ASTN1: variants seen among roughly 807,000 people sequenced by gnomAD.
ASTN1 encodes astrotactin 1.
In ASTN1, 41 loss-of-function variants were observed where a neutral mutation model predicts 140.7. The observed-to-expected ratio is 0.29, with a 90% CI of 0.23 to 0.38. The LOEUF (loss-of-function observed/expected upper bound fraction) is 0.38. Ranked by LOEUF, ASTN1 falls within the 10% of genes least tolerant of loss-of-function variation. The pLI is 1.00. For synonymous variants in ASTN1, 640 were observed against 652.2 expected (o/e 0.98, Z 0.29); for missense variants, 1,479 against 1,678.8 (o/e 0.88, Z 2.08).
chr1:177,088,348 C>G (rs1024153081), intron 1 of ASTN1, among the ~76,000 whole-genome samples: 1 of 152,256 alleles, frequency 6.6e-6, no homozygotes, highest in Non-Finnish European at 1.5e-5. Flanking sequence ...GCCAAGCTCT[C>G]TTGGTGCTCT....
At chr1:177,032,344 C>A in intron 3 of ASTN1, 112 bp downstream of exon 3, 1 of 1,406,564 alleles carries the variant, frequency 7.1e-7, no homozygotes, top group South Asian at 1.3e-5. Context: ...AAGGGCACTG[C>A]CACATCACAC....
At chr1:176,989,386 T>G (rs1674053624) in intron 8 of ASTN1, among the ~76,000 whole-genome samples, 1 of 152,254 alleles carries the variant, frequency 6.6e-6, no homozygotes, top group Admixed American at 6.5e-5. Flanking sequence ...ATATTTTTTC[T>G]TCTTTTCAGT....
In ASTN1 at chr1:176,861,192, G is replaced by A. The variant is rs1382554715; in HGVS notation, c.*3092C>T. 3 of 965,936 alleles carry A rather than the reference G, an allele frequency of 3.1e-6. No homozygotes were observed. The Admixed American group carries it at 1.8e-4, about 60-fold the overall frequency. The allele number at this position is 965,936 out of a possible 1,614,324, so 59.8% of individuals were successfully genotyped here. On this transcript the variant is annotated 3_prime_UTR_variant, in exon 23 of 23. Coordinates refer to ENST00000361833, the MANE Select transcript of ASTN1 (RefSeq NM_004319.3). Reference sequence around the variant, plus strand: ...TCATATTATATTCTTTCTTCCTTCTGCAGTAGTAAAGTGTTTTTCTTCATA... The same window carrying A: ...TCATATTATATTCTTTCTTCCTTCTACAGTAGTAAAGTGTTTTTCTTCATA...
In ASTN1 at chr1:176,879,083, C is replaced by T. The variant is rs575507081; in HGVS notation, c.3363-2446G>A. On this transcript the variant is annotated intron_variant, in intron 20 of 22. Coordinates refer to ENST00000361833, the MANE Select transcript of ASTN1 (RefSeq NM_004319.3). ...ATAGGAAGTCCTGTTCTCTCCCAGGCTGATGCTCTCAGGCCAGCATGGTCA... is the reference window on the plus strand; with the variant it reads ...ATAGGAAGTCCTGTTCTCTCCCAGGTTGATGCTCTCAGGCCAGCATGGTCA... Among the ~76,000 whole-genome samples the T allele has an allele frequency of 9.0e-4, 137 of 152,332 alleles. 1 individual carries two copies. The highest frequency in any genetic ancestry group is 6.8e-3 in the Middle Eastern group (2 of 294).
Position 176,897,993 on chromosome 1 carries a change from T to C in ASTN1, c.2672-3163A>G, listed in dbSNP as rs60210987. Among the ~76,000 whole-genome samples, 579 of 152,100 alleles carry C rather than the reference T, an allele frequency of 3.8e-3. 1 individual carries two copies. Among genetic ancestry groups the C allele is most frequent in the African/African-American group, 0.013 (537 of 41,476 alleles). Reference sequence around the variant, plus strand: ...TAGAGGGCGCTGCGACCACAAACACTCCGGAGCTGAGGGTCCGAGGGCCTT... The same window carrying C: ...TAGAGGGCGCTGCGACCACAAACACCCCGGAGCTGAGGGTCCGAGGGCCTT... On this transcript the variant is annotated intron_variant, in intron 16 of 22. Transcript: ENST00000361833.
chr1:176,940,520 G>T (rs975512962), intron 14 of ASTN1, among the ~76,000 whole-genome samples: 3 of 152,094 alleles, frequency 2.0e-5, no homozygotes, highest in Non-Finnish European at 2.9e-5. Flanking sequence ...TTTCTCAACC[G>T]ACAGCCTCCA....
chr1:177,135,802 C>T (rs2102212582), intron 1 of ASTN1, among the ~76,000 whole-genome samples: 1 of 152,296 alleles, frequency 6.6e-6, no homozygotes. Flanking sequence ...AAAGTGTTCT[C>T]ATGACCCAGT....
In ASTN1 at chr1:176,945,929, A is replaced by G; in HGVS notation, c.2246T>C (p.Phe749Ser). The change falls in exon 13 of 23, where the codon TTC (phenylalanine) becomes TCC (serine). Residue 749 changes from phenylalanine to serine, a missense_variant. Physicochemically the swap from Phe to Ser is radical, Grantham distance 155 (BLOSUM62 -2). This residue lies in a region of ASTN1 where 746 missense variants were observed against 800.9 expected (regional missense o/e 0.93). Transcript: ENST00000361833. ...VAAGQVLKGT[F>S]RQNNFARGLD... Reference sequence around the variant, plus strand: ...GTTCTATGTATATGAGGTTTACCTGAATGTTCCTTTCAGCACCTGTCCGGC... The same window carrying G: ...GTTCTATGTATATGAGGTTTACCTGGATGTTCCTTTCAGCACCTGTCCGGC... The G allele has an allele frequency of 6.2e-7, 1 of 1,608,072 alleles. No individual in the cohort carries two copies. Among genetic ancestry groups the G allele is most frequent in the Non-Finnish European group, 8.5e-7 (1 of 1,176,238 alleles).
rs1676500481 is a variant in ASTN1, at chr1:177,032,614, G to A, written c.707C>T (p.Thr236Ile). 1.2e-6 allele frequency: 2 copies of A among 1,614,210 alleles called. No homozygotes were observed. The highest frequency in any genetic ancestry group is 1.7e-6 in the Non-Finnish European group (2 of 1,180,042). ...NSSGTLSIRE[T>I]PILDGYEYDI... ...ATACTCATAGCCGTCCAGGATAGGT[G>A]TCTCCCGGATGCTCAGGGTGCCACT... The change falls in exon 3 of 23, where the codon ACA (threonine) becomes ATA (isoleucine). Residue 236 changes from threonine to isoleucine, a missense_variant. Thr to Ile is a moderately conservative substitution (Grantham distance 89, BLOSUM62 -1). Around this residue, in one of 3 missense-constraint regions of ASTN1, gnomAD observed 729 missense variants for 860.4 expected, o/e 0.85. Transcript: ENST00000361833.
chr1:177,041,209 C>A (rs1483407721), intron 2 of ASTN1, among the ~76,000 whole-genome samples: 1 of 152,304 alleles, frequency 6.6e-6, no homozygotes, highest in Non-Finnish European at 1.5e-5. Flanking sequence ...AGTAAGGAAT[C>A]AGGCTACCTG....
intron 16 of ASTN1, among the ~76,000 whole-genome samples, chr1:176,933,753 A>C (rs554576651): frequency 8.5e-5 from 13 of 152,314 alleles, no homozygotes; most frequent in Admixed American, 8.5e-4. Flanking sequence ...GCTGCTATAA[A>C]GGGATTCCAG....
chr1:177,126,686 C>G (rs1161825303), intron 1 of ASTN1, among the ~76,000 whole-genome samples: 1 of 152,186 alleles, frequency 6.6e-6, no homozygotes, highest in Non-Finnish European at 1.5e-5. Context: ...CTTCTTGCTG[C>G]CATCCTGAAG....
intron 16 of ASTN1, among the ~76,000 whole-genome samples, chr1:176,925,972 A>G (rs1038730535): frequency 1.3e-5 from 2 of 151,618 alleles, no homozygotes; most frequent in Non-Finnish European, 2.9e-5. Context: ...CGCCCAGCTA[A>G]TTTTTTTGTA....
At chr1:177,083,280 C>T (rs765905936) in intron 1 of ASTN1, among the ~76,000 whole-genome samples, 2 of 151,976 alleles carry the variant, frequency 1.3e-5, no homozygotes, top group Non-Finnish European at 2.9e-5. Flanking sequence ...AGTATAAAAC[C>T]CACTGCTCGT....
rs60769752 is a variant in ASTN1, at chr1:176,985,845, TACACACACAC to T, written c.1524-20618_1524-20609del. The stretch of plus-strand genomic sequence containing the variant: ...TATTGGTTCTCTCTCTCTCTCTCTC[TACACACACAC>T]ACACACACACACACACACACACACA... On this transcript the variant is annotated intron_variant, in intron 8 of 22. Transcript: ENST00000361833. 2.5e-3 allele frequency among the ~76,000 whole-genome samples: 330 copies of T among 129,744 alleles called. 3 individuals carry two copies. Among genetic ancestry groups the T allele is most frequent in the African/African-American group, 7.8e-3 (263 of 33,562 alleles). 85.1% of individuals were successfully genotyped at this position (129,744 alleles called of 152,430 possible). A position where few individuals can be genotyped will look rare whatever the true frequency, so the allele number is the denominator to read the frequency against.
chr1:176,857,756 G>C (rs560451591), downstream of ASTN1: 76 of 420,860 alleles, frequency 1.8e-4, no homozygotes, highest in African/African-American at 1.3e-3. Flanking sequence ...TGAGAACAAA[G>C]AGGCAGTGGC....
intron 8 of ASTN1, among the ~76,000 whole-genome samples, chr1:177,001,384 T>C (rs980887966): frequency 5.3e-5 from 8 of 152,224 alleles, no homozygotes; most frequent in Non-Finnish European, 2.9e-5. Context: ...GCATCATCAA[T>C]GTGAACAGGC....
intron 16 of ASTN1, among the ~76,000 whole-genome samples, chr1:176,933,387 A>C (rs1445562805): frequency 6.6e-6 from 1 of 152,220 alleles, no homozygotes; most frequent in East Asian, 1.9e-4. Context: ...CCCTTTAGCA[A>C]GTCCCATATC....
intron 2 of ASTN1, among the ~76,000 whole-genome samples, chr1:177,057,913 G>A (rs949661443): frequency 3.4e-4 from 52 of 152,294 alleles, no homozygotes; most frequent in African/African-American, 1.2e-3. Flanking sequence ...GGTATAAAGT[G>A]TGTCAAATAA....
Sources: allele counts gnomAD v4.1 joint callset (sites outside exome capture counted in the v4.1 genomes callset), GRCh38; gene constraint gnomAD v4.1.1; regional missense constraint gnomAD v4.1.1; transcripts MANE v1.5; gene names NCBI Gene and HGNC (gene_info 2026-07-23, HGNC 2026-07-21).